MMP26: variants seen among roughly 807,000 people sequenced by gnomAD.
MMP26 encodes the protein matrix metalloproteinase-26.
MMP26 carries 33 observed loss-of-function variants against 31.0 expected under a neutral mutation model. That is an observed-to-expected ratio of 1.06 (90% CI 0.81 to 1.42). The LOEUF (loss-of-function observed/expected upper bound fraction) is 1.42. Among genes scored for constraint, MMP26 ranks in the 40% most tolerant of loss-of-function variants. MMP26 has a pLI of 0.00. For missense variants in MMP26, 347 were observed against 316.1 expected, an observed-to-expected ratio of 1.10 and a Z score of -0.74; for synonymous variants, 122 against 114.9, an observed-to-expected ratio of 1.06 and a Z score of -0.40.
chr11:4,865,270 A>G (rs1850218480), intron 2 of MMP26, among the ~76,000 whole-genome samples: 2 of 152,182 alleles, frequency 1.3e-5, no homozygotes, highest in Admixed American at 1.3e-4. Flanking sequence ...TACTAGCATC[A>G]GAGGTCTGGT....
intron 2 of MMP26, among the ~76,000 whole-genome samples, chr11:4,834,146 C>G (rs528697932): frequency 1.3e-5 from 2 of 152,280 alleles, no homozygotes; most frequent in South Asian, 2.1e-4. Context: ...ACACAGCACT[C>G]TCTCCTCTGC....
intron 2 of MMP26, chr11:4,787,044 T>G (rs1848957087): frequency 6.5e-6 from 1 of 152,924 alleles, no homozygotes; most frequent in Non-Finnish European, 1.5e-5. Flanking sequence ...TCATCCTCAA[T>G]GCATGTATCA....
At chr11:4,922,650 A>C (rs931927739) in intron 2 of MMP26, among the ~76,000 whole-genome samples, 3 of 152,198 alleles carry the variant, frequency 2.0e-5, no homozygotes, top group Admixed American at 6.5e-5. Flanking sequence ...AATAACACAT[A>C]ATTTTCTTTT....
intron 1 of MMP26, among the ~76,000 whole-genome samples, chr11:4,757,734 A>G (rs1442991842): frequency 1.3e-5 from 2 of 151,990 alleles, no homozygotes; most frequent in African/African-American, 4.8e-5. Context: ...AGAAATAAAA[A>G]TTTAAACTGC....
intron 2 of MMP26, among the ~76,000 whole-genome samples, chr11:4,948,421 G>A (rs1846340489): frequency 8.0e-6 from 1 of 124,310 alleles, no homozygotes; most frequent in African/African-American, 2.7e-5. Context: ...GTGTTGTAGG[G>A]TAGAGGTAAG....
At chr11:4,925,689 G>T (rs1299717371) in intron 2 of MMP26, among the ~76,000 whole-genome samples, 2 of 151,524 alleles carry the variant, frequency 1.3e-5, no homozygotes, top group Non-Finnish European at 2.9e-5. Context: ...ACTAGAAAGG[G>T]GACAGAGAAT....
chr11:4,923,734 G>T lies in MMP26; in HGVS notation c.-144-64334G>T, dbSNP rs932960204. The T allele has an allele frequency of 1.9e-6, 3 of 1,613,948 alleles. No individual in the cohort carries two copies. In the African/African-American group the frequency reaches 4.0e-5, roughly 22 times the overall value. Reference sequence around the variant, plus strand: ...CACCCACGGTGCAGGCCACAACAAAGAGCCCATAGATGTGATTGACAATGA... The same window carrying T: ...CACCCACGGTGCAGGCCACAACAAATAGCCCATAGATGTGATTGACAATGA... On this transcript the variant is annotated intron_variant, in intron 2 of 7. Transcript: ENST00000380390.
At chr11:4,841,000 C>A (rs117198280) in intron 2 of MMP26, among the ~76,000 whole-genome samples, 6,741 of 152,060 alleles carry the variant, frequency 0.044, 220 homozygotes, top group South Asian at 0.1. Flanking sequence ...AATTCTGGGG[C>A]TGAAAAATGC....
Position 4,914,950 on chromosome 11 carries a change from C to G in MMP26, c.-144-73118C>G, listed in dbSNP as rs376526271. 2.7e-5 allele frequency: 43 copies of G among 1,613,982 alleles called. No homozygotes were observed. The highest frequency in any genetic ancestry group is 3.5e-5 in the Non-Finnish European group (41 of 1,180,022). On this transcript the variant is annotated intron_variant, in intron 2 of 7. Coordinates refer to ENST00000380390, the MANE Select transcript of MMP26 (RefSeq NM_021801.5). ...CACAGGTGTTAAGGGCCTTGAATCT[C>G]TCAGCCCTGGAGGCGATGGACAGCA... is the stretch of plus-strand genomic sequence containing the variant.
At chr11:4,788,377 T>G (rs1414519435) in intron 2 of MMP26, among the ~76,000 whole-genome samples, 1 of 151,862 alleles carries the variant, frequency 6.6e-6, no homozygotes, top group Non-Finnish European at 1.5e-5. Flanking sequence ...AATTGAGGGT[T>G]CTAGTTGCTG....
At chr11:4,986,703 T>C (rs1846895255) in intron 2 of MMP26, among the ~76,000 whole-genome samples, 1 of 150,102 alleles carries the variant, frequency 6.7e-6, no homozygotes, top group African/African-American at 2.4e-5. Context: ...GCTAATTTTT[T>C]TGTATTTTTA....
intron 1 of MMP26, among the ~76,000 whole-genome samples, chr11:4,716,555 G>T (rs539143931): frequency 5.4e-5 from 8 of 149,288 alleles, no homozygotes; most frequent in African/African-American, 1.5e-4. Context: ...TAGATTGAGG[G>T]ATAAATTGCA....
chr11:4,799,463 C>A (rs932712748), intron 2 of MMP26, among the ~76,000 whole-genome samples: 3 of 152,134 alleles, frequency 2.0e-5, no homozygotes, highest in African/African-American at 7.2e-5. Flanking sequence ...CTAAGCCATT[C>A]ATGAGAGATC....
rs1044343536 is a variant in MMP26, at chr11:4,849,140, CA to C, written c.-145+81800del. The C allele has an allele frequency of 2.5e-6, 4 of 1,613,912 alleles. No individual in the cohort carries two copies. The African/African-American group carries it at 4.0e-5, about 16-fold the overall frequency. ...GTGCACCTGATAGGCCTGGCATGCC[CA>C]CCAGCAAGAAGGTGGGGGCCATTGA... On this transcript the variant is annotated intron_variant, in intron 2 of 7. Coordinates refer to ENST00000380390, the MANE Select transcript of MMP26 (RefSeq NM_021801.5).
chr11:4,721,378 G>T (rs1754964813), intron 1 of MMP26, among the ~76,000 whole-genome samples: 1 of 152,092 alleles, frequency 6.6e-6, no homozygotes. Flanking sequence ...ACAATTTTGG[G>T]GTATTTCTTG....
rs1848553672 is a variant in MMP26, at chr11:4,760,040, TC to T, written c.-216-7229del. ...ACAAAGGCCTTATTCTTATCTAGCC[TC>T]TAATTAGTAAGAGTACTCAAGATAA... On this transcript the variant is annotated intron_variant, in intron 1 of 7. Coordinates refer to ENST00000380390, the MANE Select transcript of MMP26 (RefSeq NM_021801.5). 2.0e-5 allele frequency among the ~76,000 whole-genome samples: 3 copies of T among 152,232 alleles called. No homozygotes were observed. The East Asian group carries it at 5.8e-4, about 29-fold the overall frequency.
At chr11:4,935,056 T>C (rs1310685803) in intron 2 of MMP26, among the ~76,000 whole-genome samples, 1 of 151,628 alleles carries the variant, frequency 6.6e-6, no homozygotes, top group Non-Finnish European at 1.5e-5. Context: ...CTTGGCAATG[T>C]GGGCTCTTTT....
At chr11:4,962,187 G>A (rs1271068095) in intron 2 of MMP26, among the ~76,000 whole-genome samples, 1 of 152,064 alleles carries the variant, frequency 6.6e-6, no homozygotes, top group Non-Finnish European at 1.5e-5. Flanking sequence ...TTGCTGTTTT[G>A]TCTCCTCCCT....
At chr11:4,789,702 A>G (rs995509829) in intron 2 of MMP26, among the ~76,000 whole-genome samples, 4 of 151,210 alleles carry the variant, frequency 2.6e-5, no homozygotes, top group Non-Finnish European at 5.9e-5. Context: ...CACCACACCC[A>G]GCTAATTTTT....
Sources: allele counts gnomAD v4.1 joint callset (sites outside exome capture counted in the v4.1 genomes callset), GRCh38; gene constraint gnomAD v4.1.1; transcripts MANE v1.5; gene names NCBI Gene and HGNC (gene_info 2026-07-23, HGNC 2026-07-21).